TRIP12: variants seen among roughly 807,000 people sequenced by gnomAD.
TRIP12 encodes the protein E3 ubiquitin-protein ligase TRIP12.
A neutral mutation model predicts 244.2 loss-of-function variants in TRIP12; 25 were observed. That is an observed-to-expected ratio of 0.10 (90% CI 0.07 to 0.14). The LOEUF is 0.14. TRIP12 is among the 10% of genes least tolerant of loss of function. The pLI, the probability that TRIP12 is intolerant of heterozygous loss-of-function variation, is 1.00. For missense variants in TRIP12, 1,677 were observed against 2,486.4 expected (o/e 0.67, Z 6.92); for synonymous variants, 905 against 873.1 (o/e 1.04, Z -0.64).
At chr2:229,807,966 A>G (rs2046290368) in intron 16 of TRIP12, 102 bp from the exon 17 acceptor site, 10 of 1,316,744 alleles carry the variant, frequency 7.6e-6, no homozygotes, top group Admixed American at 2.6e-5. Flanking sequence ...AGTTGTATTT[A>G]GACCAATTTT....
chr2:229,812,691 A>G (rs999687383), intron 13 of TRIP12, among the ~76,000 whole-genome samples: 5 of 152,116 alleles, frequency 3.3e-5, no homozygotes, highest in African/African-American at 1.2e-4. Context: ...CTGTAATCCC[A>G]GCTATTCAGG....
At chr2:229,839,509 C>G (rs931835809) in intron 5 of TRIP12, among the ~76,000 whole-genome samples, 1 of 151,990 alleles carries the variant, frequency 6.6e-6, no homozygotes, top group Non-Finnish European at 1.5e-5. Flanking sequence ...AAACCCATCT[C>G]TACTAAAAAT....
At chr2:229,838,402 A>C (rs2055393973) in intron 5 of TRIP12, among the ~76,000 whole-genome samples, 1 of 152,184 alleles carries the variant, frequency 6.6e-6, no homozygotes, top group African/African-American at 2.4e-5. Context: ...TGACCAAGGC[A>C]CTGTATATAA....
At chr2:229,795,915 G>A (rs1324680632) in intron 25 of TRIP12, among the ~76,000 whole-genome samples, 2 of 152,200 alleles carry the variant, frequency 1.3e-5, no homozygotes, top group Non-Finnish European at 2.9e-5. Context: ...ATGCCTCTGA[G>A]GACTGCAAGC....
At chr2:229,805,467 C>G (rs2045642747) in intron 18 of TRIP12, among the ~76,000 whole-genome samples, 1 of 152,046 alleles carries the variant, frequency 6.6e-6, no homozygotes, top group Non-Finnish European at 1.5e-5. Flanking sequence ...ATAGTAATGA[C>G]AGGATCAGAT....
chr2:229,885,490 G>A (rs1262568476), intron 1 of TRIP12, among the ~76,000 whole-genome samples: 4 of 152,152 alleles, frequency 2.6e-5, no homozygotes, highest in African/African-American at 9.7e-5. Flanking sequence ...CAGACTGCAA[G>A]CAAGAACTGA....
chr2:229,882,477 T>C (rs547094930), intron 1 of TRIP12, among the ~76,000 whole-genome samples: 1 of 152,228 alleles, frequency 6.6e-6, no homozygotes, highest in South Asian at 2.1e-4. Flanking sequence ...ATTGGAGACA[T>C]AGTTTAAAAG....
intron 4 of TRIP12, among the ~76,000 whole-genome samples, chr2:229,856,660 GCTCA>G (rs1423760712): frequency 6.6e-6 from 1 of 151,614 alleles, no homozygotes; most frequent in Non-Finnish European, 1.5e-5. Context: ...ACTCAACCTG[GCTCA>G]CTGGCTGTGA....
At chr2:229,846,375 C>T (rs1018399721) in intron 4 of TRIP12, among the ~76,000 whole-genome samples, 12 of 152,122 alleles carry the variant, frequency 7.9e-5, no homozygotes, top group Admixed American at 6.6e-4. Context: ...AGATCATCCA[C>T]CAGCAAAAAG....
intron 1 of TRIP12, among the ~76,000 whole-genome samples, chr2:229,909,939 A>G (rs2073941865): frequency 6.6e-6 from 1 of 152,246 alleles, no homozygotes; most frequent in Non-Finnish European, 1.5e-5. Flanking sequence ...CTGCACTGAC[A>G]TGCCTTAAAT....
chr2:229,843,777 G>A (rs2057013465), intron 4 of TRIP12, among the ~76,000 whole-genome samples: 1 of 152,142 alleles, frequency 6.6e-6, no homozygotes, highest in African/African-American at 2.4e-5. Flanking sequence ...TATAGTCCCA[G>A]CTACTTAGGA....
chr2:229,843,840 C>A (rs1250070492), intron 4 of TRIP12, among the ~76,000 whole-genome samples: 1 of 151,622 alleles, frequency 6.6e-6, no homozygotes, highest in Non-Finnish European at 1.5e-5. Context: ...ATAGATTACA[C>A]TACTGCACTC....
intron 2 of TRIP12, 23 bp downstream of exon 2, chr2:229,879,959 T>G: frequency 6.2e-7 from 1 of 1,612,950 alleles, no homozygotes; most frequent in East Asian, 2.2e-5. Flanking sequence ...CAATTCCTTT[T>G]CAAATTACCA....
chr2:229,815,252 A>T, intron 10 of TRIP12, 21 bp downstream of exon 10: 3 of 1,525,358 alleles, frequency 2.0e-6, no homozygotes, highest in Non-Finnish European at 2.7e-6. Context: ...ACACCATTAA[A>T]AAAATACAAT....
intron 1 of TRIP12, among the ~76,000 whole-genome samples, chr2:229,915,023 C>T (rs1019677152): frequency 1.3e-5 from 2 of 152,120 alleles, no homozygotes; most frequent in Non-Finnish European, 2.9e-5. Flanking sequence ...GAGACCAAGG[C>T]GGGTGTATCA....
In TRIP12 at chr2:229,795,243, T is replaced by C; in HGVS notation, c.3904A>G (p.Ser1302Gly). 2 of 1,614,098 alleles carry C rather than the reference T, an allele frequency of 1.2e-6. No homozygotes were observed. The highest frequency in any genetic ancestry group is 1.7e-6 in the Non-Finnish European group (2 of 1,179,974). ...ALVHKMNNCLSQMEQFPVKVH... is the reference protein window; with the variant it reads ...ALVHKMNNCLGQMEQFPVKVH... ...TTGACTGGAAATTGTTCCATCTGGC[T>C]GAGGCAGTTGTTCATCTTGTGAACT... Residue 1302 changes from serine to glycine, a missense_variant, in exon 26 of 42, where the codon AGC (serine) becomes GGC (glycine). Ser to Gly is a moderately conservative substitution (Grantham distance 56). This residue lies in a region of TRIP12 where 77 missense variants were observed against 69.2 expected (regional missense o/e 1.11). Coordinates refer to ENST00000675903, the MANE Select transcript of TRIP12 (RefSeq NM_001348323.3).
intron 2 of TRIP12, among the ~76,000 whole-genome samples, chr2:229,863,065 T>C (rs1442758500): frequency 1.3e-5 from 2 of 151,574 alleles, no homozygotes; most frequent in African/African-American, 2.4e-5. Context: ...CCGTCTCTAA[T>C]AAAAACTACA....
intron 8 of TRIP12, among the ~76,000 whole-genome samples, chr2:229,824,248 A>C (rs2050872139): frequency 6.6e-6 from 1 of 152,234 alleles, no homozygotes; most frequent in African/African-American, 2.4e-5. Context: ...ATATACGAAG[A>C]TACATATAAC....
At chr2:229,780,267 A>T (rs1440937748) in intron 34 of TRIP12, among the ~76,000 whole-genome samples, 2 of 152,174 alleles carry the variant, frequency 1.3e-5, no homozygotes, top group Non-Finnish European at 2.9e-5. Context: ...AAACTCGCAT[A>T]ATCCAATCCA....
Sources: gnomAD v4.1 joint callset for allele counts (sites outside exome capture counted in the v4.1 genomes callset) on GRCh38, gnomAD v4.1.1 for gene constraint, gnomAD v4.1.1 regional missense constraint, MANE v1.5 for transcripts, NCBI Gene and HGNC (gene_info 2026-07-23, HGNC 2026-07-21) for gene names.